The following MBOAT2 variants were observed in gnomAD, a reference collection of about 807,000 sequenced individuals.
The protein encoded by MBOAT2 is membrane bound glycerophospholipid O-acyltransferase 2.
A neutral mutation model predicts 63.4 loss-of-function variants in MBOAT2; 28 were observed. The observed-to-expected ratio is 0.44, with a 90% CI of 0.33 to 0.61. The LOEUF (loss-of-function observed/expected upper bound fraction) is 0.61, where lower values mean the gene tolerates loss of function less well. MBOAT2 is among the 20% of genes least tolerant of loss of function. The probability of loss-of-function intolerance (pLI) is 0.03; values close to 1 mark genes in which losing one functional copy is unlikely to be tolerated. For missense variants in MBOAT2, 470 were observed against 605.8 expected (o/e 0.78, Z 2.35); for synonymous variants, 211 against 215.6 (o/e 0.98, Z 0.19).
In MBOAT2 at chr2:8,992,629, A is replaced by G. The variant is rs140224328; in HGVS notation, c.75+10911T>C. Among the ~76,000 whole-genome samples, 249 of 152,374 alleles carry G rather than the reference A, an allele frequency of 1.6e-3. 1 individual carries two copies. Among genetic ancestry groups the G allele is most frequent in the Non-Finnish European group, 2.2e-3 (149 of 68,030 alleles). ...GAACTACTTAAATATATCTAAAATTATATGTTATGTATCACCCTGACCTTC... is the reference window on the plus strand; with the variant it reads ...GAACTACTTAAATATATCTAAAATTGTATGTTATGTATCACCCTGACCTTC... On this transcript the variant is annotated intron_variant, in intron 1 of 12. Coordinates refer to ENST00000305997, the MANE Select transcript of MBOAT2 (RefSeq NM_138799.4).
intron 3 of MBOAT2, among the ~76,000 whole-genome samples, chr2:8,912,826 G>A (rs987875784): frequency 4.6e-5 from 7 of 152,102 alleles, no homozygotes; most frequent in Admixed American, 3.9e-4. Context: ...ATTCTTCACA[G>A]AGTTAGAAAA....
intron 2 of MBOAT2, among the ~76,000 whole-genome samples, chr2:8,946,931 G>C (rs1439390995): frequency 6.6e-6 from 1 of 152,186 alleles, no homozygotes; most frequent in East Asian, 1.9e-4. Flanking sequence ...AGGAAAAGTT[G>C]TATGTCTCTC....
In MBOAT2 at chr2:8,882,556, C is replaced by T. The variant is rs780868284; in HGVS notation, c.461G>A (p.Arg154Gln). Residue 154 changes from arginine (R) to glutamine (Q), a missense_variant, in exon 6 of 13, where the codon CGG (arginine) becomes CAG (glutamine). Arg to Gln is a conservative substitution (Grantham distance 43). Coordinates refer to ENST00000305997, the MANE Select transcript of MBOAT2 (RefSeq NM_138799.4). Reference sequence around the variant, plus strand: ...TGAGGAAGTCAGTTCTTCATCCTTCCGAAACATCCCTGAGAAACAAAAATA... The same window carrying T: ...TGAGGAAGTCAGTTCTTCATCCTTCTGAAACATCCCTGAGAAACAAAAATA... Reference protein sequence around the residue: ...LACEIHDGMFRKDEELTSSQR... With the variant: ...LACEIHDGMFQKDEELTSSQR... The T allele has an allele frequency of 2.0e-5, 32 of 1,614,172 alleles. No individual in the cohort carries two copies. The highest frequency in any genetic ancestry group is 3.3e-4 in the Middle Eastern group (2 of 6,062).
chr2:8,878,072 G>A lies in MBOAT2; in HGVS notation c.507-859C>T, dbSNP rs1216053300. On this transcript the variant is annotated intron_variant, in intron 6 of 12. Transcript: ENST00000305997. ...TGTGTGGGGCTCCTGCGGTCTCCAG[G>A]CAGGAGGTGACAATGGCTGGAGGAG... Among the ~76,000 whole-genome samples the A allele has an allele frequency of 2.0e-5, 3 of 152,236 alleles. No individual in the cohort carries two copies. The East Asian group carries it at 5.8e-4, about 29-fold the overall frequency.
intron 10 of MBOAT2, among the ~76,000 whole-genome samples, 196 bp downstream of exon 10, chr2:8,863,974 T>A (rs1245425631): frequency 6.6e-6 from 1 of 152,174 alleles, no homozygotes; most frequent in African/African-American, 2.4e-5. Context: ...GATAGCTGCA[T>A]TCGTGACTCA....
chr2:8,885,909 C>A (rs1269755060), intron 5 of MBOAT2, among the ~76,000 whole-genome samples: 1 of 152,192 alleles, frequency 6.6e-6, no homozygotes, highest in Non-Finnish European at 1.5e-5. Flanking sequence ...AACAAGTTAA[C>A]ATAGTTCTGA....
Position 8,855,855 on chromosome 2 carries a change from TG to T in MBOAT2, c.*2823del, listed in dbSNP as rs1661046515. The T allele has an allele frequency of 6.6e-6, 1 of 152,226 alleles. No homozygotes were observed. The highest frequency in any genetic ancestry group is 6.5e-5 in the Admixed American group (1 of 15,286). 9.4% of individuals were successfully genotyped at this position (152,226 alleles called of 1,614,324 possible). On this transcript the variant is annotated 3_prime_UTR_variant, in exon 13 of 13. Coordinates refer to ENST00000305997, the MANE Select transcript of MBOAT2 (RefSeq NM_138799.4). The stretch of plus-strand genomic sequence containing the variant: ...ATTGATCATCTCTAGAGTGATTTCA[TG>T]ATACCTGAATAGTGGAAAATATAAA...
intron 2 of MBOAT2, among the ~76,000 whole-genome samples, chr2:8,956,394 T>C (rs1669224600): frequency 6.6e-6 from 1 of 152,138 alleles, no homozygotes; most frequent in Non-Finnish European, 1.5e-5. Flanking sequence ...AGAGAACTCA[T>C]TTGAAAAATA....
chr2:8,993,440 G>A (rs1512291), intron 1 of MBOAT2, among the ~76,000 whole-genome samples: 6,333 of 152,300 alleles, frequency 0.042, 147 homozygotes, highest in Non-Finnish European at 0.057. Context: ...AGAGTGACCA[G>A]AAGCTGATTA....
At chr2:8,994,568 T>C (rs1672140720) in intron 1 of MBOAT2, among the ~76,000 whole-genome samples, 1 of 152,238 alleles carries the variant, frequency 6.6e-6, no homozygotes, top group Non-Finnish European at 1.5e-5. Flanking sequence ...CTCTCGGTCC[T>C]TCTCCAGAAC....
At chr2:8,897,822 G>C (rs192453817) in intron 4 of MBOAT2, among the ~76,000 whole-genome samples, 3 of 152,298 alleles carry the variant, frequency 2.0e-5, no homozygotes, top group Admixed American at 2.0e-4. Flanking sequence ...GAGAAAAGTG[G>C]CAGGGTTGAG....
intron 3 of MBOAT2, among the ~76,000 whole-genome samples, chr2:8,935,749 A>C (rs1667616883): frequency 6.6e-6 from 1 of 152,234 alleles, no homozygotes; most frequent in African/African-American, 2.4e-5. Flanking sequence ...GACTTAGCCA[A>C]GGTTCTGAAG....
chr2:8,868,480 T>C lies in MBOAT2; in HGVS notation c.953A>G (p.Asp318Gly). ...GYDENGAARW[D>G]LISNLRIQQI... Reference sequence around the variant, plus strand: ...TTGAATTCTCAAATTGGAAATTAAGTCCCAGCGAGCTGCTCCATTTTCGTC... The same window carrying C: ...TTGAATTCTCAAATTGGAAATTAAGCCCCAGCGAGCTGCTCCATTTTCGTC... Residue 318 changes from aspartate (D) to glycine (G), a missense_variant, in exon 9 of 13, where the codon GAC (aspartate) becomes GGC (glycine). Around this residue, in one of 3 missense-constraint regions of MBOAT2, gnomAD observed 376 missense variants for 503.8 expected, o/e 0.75. Transcript: ENST00000305997. 1 of 1,614,060 alleles carries C rather than the reference T, an allele frequency of 6.2e-7. No individual in the cohort carries two copies. Among genetic ancestry groups the C allele is most frequent in the Non-Finnish European group, 8.5e-7 (1 of 1,179,976 alleles).
chr2:8,956,119 G>A (rs1308962942), intron 2 of MBOAT2, among the ~76,000 whole-genome samples: 7 of 152,162 alleles, frequency 4.6e-5, no homozygotes, highest in Non-Finnish European at 8.8e-5. Flanking sequence ...TGGGGGTCTA[G>A]AATCAAATCT....
chr2:8,894,148 T>C (rs1664240700), intron 4 of MBOAT2, among the ~76,000 whole-genome samples: 1 of 152,118 alleles, frequency 6.6e-6, no homozygotes, highest in South Asian at 2.1e-4. Flanking sequence ...CCCCTCCCTG[T>C]GTCCACGTGT....
At chr2:8,982,097 C>T (rs1671234578) in intron 1 of MBOAT2, among the ~76,000 whole-genome samples, 1 of 152,140 alleles carries the variant, frequency 6.6e-6, no homozygotes. Flanking sequence ...AGATAGGCTG[C>T]TGTCCGGATT....
intron 4 of MBOAT2, among the ~76,000 whole-genome samples, chr2:8,888,550 T>C (rs1404360141): frequency 6.6e-6 from 1 of 152,080 alleles, no homozygotes; most frequent in African/African-American, 2.4e-5. Flanking sequence ...GGCACTGAAA[T>C]CATGATGTAT....
intron 1 of MBOAT2, among the ~76,000 whole-genome samples, chr2:8,991,441 CA>C (rs1186207445): frequency 3.3e-5 from 5 of 152,234 alleles, no homozygotes; most frequent in African/African-American, 7.2e-5. Context: ...TGATCTTCTC[CA>C]AATGAAAAGA....
chr2:8,883,668 A>G (rs1033261744), intron 5 of MBOAT2, among the ~76,000 whole-genome samples: 6 of 152,222 alleles, frequency 3.9e-5, no homozygotes, highest in Admixed American at 1.3e-4. Context: ...AACTCACATC[A>G]TCTTGCTGTA....
Sources: gnomAD v4.1 joint callset for allele counts (sites outside exome capture counted in the v4.1 genomes callset) on GRCh38, gnomAD v4.1.1 for gene constraint, gnomAD v4.1.1 regional missense constraint, MANE v1.5 for transcripts, NCBI Gene and HGNC (gene_info 2026-07-23, HGNC 2026-07-21) for gene names.